KAT7: variants seen among roughly 807,000 people sequenced by gnomAD.
KAT7 encodes the protein histone acetyltransferase KAT7.
Under a neutral mutation model 82.1 loss-of-function variants are expected in KAT7, and 10 were observed. The ratio of observed to expected loss-of-function variants is 0.12; its 90% CI spans 0.08 to 0.21. The LOEUF (loss-of-function observed/expected upper bound fraction) is 0.21. Among genes scored for constraint, KAT7 ranks in the 10% least tolerant of loss-of-function variants. KAT7 has a pLI of 1.00. For missense variants in KAT7, 378 were observed against 760.9 expected (o/e 0.50, Z 5.92); for synonymous variants, 250 against 262.5 (o/e 0.95, Z 0.46).
chr17:49,823,075 G>T (rs2074326107), intron 11 of KAT7, 127 bp from the exon 12 acceptor site: 5 of 627,808 alleles, frequency 8.0e-6, no homozygotes, highest in South Asian at 7.3e-5. Flanking sequence ...CTGTGAGCCT[G>T]GCAGCCACTC....
chr17:49,799,741 G>T (rs1033624358), intron 4 of KAT7, among the ~76,000 whole-genome samples: 74 of 152,118 alleles, frequency 4.9e-4, no homozygotes, highest in African/African-American at 1.8e-3. Context: ...ATAGCTCACT[G>T]CAGCCTTAAC....
intron 8 of KAT7, among the ~76,000 whole-genome samples, chr17:49,817,198 T>G (rs1567861032): frequency 6.6e-6 from 1 of 152,194 alleles, no homozygotes; most frequent in Non-Finnish European, 1.5e-5. Flanking sequence ...AGTTTGTATC[T>G]GTGATGATTT....
chr17:49,803,173 A>T (rs986106707), intron 4 of KAT7, among the ~76,000 whole-genome samples: 5 of 150,814 alleles, frequency 3.3e-5, no homozygotes, highest in Non-Finnish European at 2.9e-5. Context: ...CAATGATGTG[A>T]TCTTGGCTCA....
rs1294370640 is a variant in KAT7, at chr17:49,829,312, C to G, written c.*1810C>G. 2.6e-5 allele frequency: 4 copies of G among 152,316 alleles called. No homozygotes were observed. Among genetic ancestry groups the G allele is most frequent in the African/African-American group, 9.6e-5 (4 of 41,552 alleles). 9.4% of individuals were successfully genotyped at this position (152,316 alleles called of 1,614,324 possible). ...CTCTAGATGGTGGCACAAATTTGAT[C>G]TGCCTCACTTTGGTTCCAGCTAATC... On this transcript the variant is annotated 3_prime_UTR_variant, in exon 15 of 15. Transcript: ENST00000259021.
At chr17:49,815,964 G>A (rs1220951899) in intron 8 of KAT7, 51 bp downstream of exon 8, 9 of 1,071,828 alleles carry the variant, frequency 8.4e-6, no homozygotes, top group Non-Finnish European at 1.2e-5. Flanking sequence ...GGTGCTTAGA[G>A]TTGCCAGGAA....
At chr17:49,816,835 A>G (rs1323260922) in intron 8 of KAT7, among the ~76,000 whole-genome samples, 5 of 151,806 alleles carry the variant, frequency 3.3e-5, no homozygotes, top group Non-Finnish European at 5.9e-5. Flanking sequence ...TTTCTGAGAC[A>G]GGGTTTTGCC....
At chr17:49,816,386 A>G (rs983600911) in intron 8 of KAT7, among the ~76,000 whole-genome samples, 3 of 151,562 alleles carry the variant, frequency 2.0e-5, no homozygotes, top group Admixed American at 1.3e-4. Flanking sequence ...TCTTTGACAC[A>G]GCCAAGTTTG....
chr17:49,808,641 G>A (rs1019029417), intron 5 of KAT7, among the ~76,000 whole-genome samples: 1 of 151,682 alleles, frequency 6.6e-6, no homozygotes, highest in Non-Finnish European at 1.5e-5. Context: ...TAATAGAGAC[G>A]GGGTTTCACC....
chr17:49,817,654 A>T (rs556203311), intron 8 of KAT7, among the ~76,000 whole-genome samples, 166 bp from the exon 9 acceptor site: 1 of 152,110 alleles, frequency 6.6e-6, no homozygotes, highest in Admixed American at 6.5e-5. Flanking sequence ...TTTAGTAGAG[A>T]TGGGGTTTTG....
At chr17:49,817,504 G>A (rs1244558630) in intron 8 of KAT7, among the ~76,000 whole-genome samples, 4 of 152,062 alleles carry the variant, frequency 2.6e-5, no homozygotes, top group Admixed American at 1.3e-4. Context: ...AAGGAGTTTC[G>A]CTCTGTCTCC....
intron 2 of KAT7, among the ~76,000 whole-genome samples, chr17:49,792,364 C>CT (rs1436468912): frequency 1.7e-4 from 26 of 152,020 alleles, no homozygotes; most frequent in East Asian, 1.5e-3. Flanking sequence ...TATCCCTTCA[C>CT]TTTCTGTTTG....
intron 5 of KAT7, among the ~76,000 whole-genome samples, chr17:49,806,886 C>G (rs750203718): frequency 5.9e-5 from 9 of 152,204 alleles, no homozygotes; most frequent in African/African-American, 9.7e-5. Flanking sequence ...ACTACTGGAA[C>G]ATGTGCATGG....
intron 2 of KAT7, among the ~76,000 whole-genome samples, chr17:49,794,020 G>C (rs1316361776): frequency 6.6e-6 from 1 of 152,014 alleles, no homozygotes; most frequent in East Asian, 1.9e-4. Flanking sequence ...ATTGTCTCTT[G>C]ATTTCTTAAG....
chr17:49,805,906 C>A (rs986510786), intron 5 of KAT7, among the ~76,000 whole-genome samples: 18 of 152,070 alleles, frequency 1.2e-4, no homozygotes, highest in Non-Finnish European at 1.8e-4. Context: ...CTTTTTGTTA[C>A]TCTCAGTCAC....
intron 5 of KAT7, among the ~76,000 whole-genome samples, chr17:49,806,592 G>A (rs776591780): frequency 2.0e-5 from 3 of 152,160 alleles, no homozygotes; most frequent in East Asian, 1.9e-4. Flanking sequence ...AAATAACTGC[G>A]ATCCCTGCTT....
intron 9 of KAT7, among the ~76,000 whole-genome samples, chr17:49,819,495 T>C (rs1011549803): frequency 1.3e-5 from 2 of 152,218 alleles, no homozygotes; most frequent in African/African-American, 4.8e-5. Flanking sequence ...TTATGCCTTT[T>C]TTCCTTTTCG....
chr17:49,826,197 C>G (rs1259244997), intron 13 of KAT7, 51 bp downstream of exon 13: 2 of 1,546,976 alleles, frequency 1.3e-6, no homozygotes, highest in Non-Finnish European at 1.8e-6. Context: ...GAAGTTAACT[C>G]TACTGGGTAT....
At chr17:49,792,811 G>GT (rs1482937913) in intron 2 of KAT7, among the ~76,000 whole-genome samples, 3 of 151,924 alleles carry the variant, frequency 2.0e-5, no homozygotes, top group Non-Finnish European at 4.4e-5. Flanking sequence ...GTGTATAGCG[G>GT]TTTTTTTTAT....
At chr17:49,821,938 A>G (rs1311135474) in intron 11 of KAT7, 148 bp downstream of exon 11, 5 of 693,612 alleles carry the variant, frequency 7.2e-6, no homozygotes, top group South Asian at 3.5e-5. Context: ...AAAAAGGCAA[A>G]CCCATGTATC....
Sources: gnomAD v4.1 joint callset for allele counts (sites outside exome capture counted in the v4.1 genomes callset) on GRCh38, gnomAD v4.1.1 for gene constraint, MANE v1.5 for transcripts, NCBI Gene and HGNC (gene_info 2026-07-23, HGNC 2026-07-21) for gene names.